LMBRD1: variants seen among roughly 807,000 people sequenced by gnomAD.
LMBRD1 encodes LMBR1 domain containing 1, also known as lysosomal cobalamin transport escort protein LMBD1.
Under a neutral mutation model 74.8 loss-of-function variants are expected in LMBRD1, and 64 were observed. The observed-to-expected ratio is 0.86, with a 90% confidence interval of 0.70 to 1.05. The LOEUF (loss-of-function observed/expected upper bound fraction) is 1.05. Among genes scored for constraint, LMBRD1 ranks in the 50% least tolerant of loss-of-function variants. The pLI, the probability that LMBRD1 is intolerant of heterozygous loss-of-function variation, is 0.00. For missense variants in LMBRD1, 652 were observed against 645.9 expected (o/e 1.01, Z -0.10); for synonymous variants, 204 against 216.3 (o/e 0.94, Z 0.50).
At chr6:69,788,308 A>G (rs1260820516) in intron 2 of LMBRD1, among the ~76,000 whole-genome samples, 1 of 152,114 alleles carries the variant, frequency 6.6e-6, no homozygotes, top group Non-Finnish European at 1.5e-5. Flanking sequence ...ACCTCTATAC[A>G]TCAGAATACA....
chr6:69,718,321 C>T (rs1402496029), intron 8 of LMBRD1, among the ~76,000 whole-genome samples: 2 of 152,084 alleles, frequency 1.3e-5, no homozygotes, highest in Admixed American at 6.5e-5. Context: ...TACCTGAGAA[C>T]TAGTAAGTTC....
intron 13 of LMBRD1, among the ~76,000 whole-genome samples, chr6:69,698,736 G>A (rs941326622): frequency 2.0e-5 from 3 of 151,742 alleles, no homozygotes; most frequent in South Asian, 4.2e-4. Flanking sequence ...ATTAAAATTC[G>A]TTAAAACGTT....
At chr6:69,750,676 A>C (rs1216561948) in intron 4 of LMBRD1, among the ~76,000 whole-genome samples, 1 of 152,162 alleles carries the variant, frequency 6.6e-6, no homozygotes, top group Non-Finnish European at 1.5e-5. Flanking sequence ...AAGAATGTGC[A>C]CTTTGGAAGA....
chr6:69,780,438 C>T (rs1765805721), intron 3 of LMBRD1, 56 bp downstream of exon 3: 3 of 1,258,046 alleles, frequency 2.4e-6, no homozygotes, highest in Middle Eastern at 1.9e-4. Flanking sequence ...TCATCGGAGT[C>T]GTATCAGTAT....
At chr6:69,786,772 A>C (rs1217166526) in intron 2 of LMBRD1, among the ~76,000 whole-genome samples, 5 of 152,198 alleles carry the variant, frequency 3.3e-5, no homozygotes, top group Non-Finnish European at 2.9e-5. Flanking sequence ...TAACTAAAAC[A>C]AAAATAAAGA....
chr6:69,725,923 G>A (rs1159848338), intron 7 of LMBRD1, among the ~76,000 whole-genome samples: 1 of 151,964 alleles, frequency 6.6e-6, no homozygotes, highest in Non-Finnish European at 1.5e-5. Context: ...CACAGTAAAG[G>A]GAACAGTCAA....
chr6:69,682,116 C>T (rs147303985), intron 14 of LMBRD1, among the ~76,000 whole-genome samples: 34 of 151,792 alleles, frequency 2.2e-4, no homozygotes, highest in African/African-American at 7.7e-4. Context: ...TAATGAAATA[C>T]ATCCAAATAA....
intron 1 of LMBRD1, 103 bp downstream of exon 1, chr6:69,796,710 G>T: frequency 1.9e-6 from 2 of 1,070,832 alleles, no homozygotes; most frequent in Admixed American, 2.0e-5. Context: ...AAGCGGGGCG[G>T]GGCGAAGAGG....
intron 9 of LMBRD1, chr6:69,705,684 G>A: frequency 1.1e-6 from 1 of 914,610 alleles, no homozygotes; most frequent in Non-Finnish European, 1.8e-6. Flanking sequence ...ATCTTCATCA[G>A]TAGCAAGTTT....
Position 69,748,649 on chromosome 6 carries a change from A to C in LMBRD1, c.473+692T>G, listed in dbSNP as rs576331945. Among the ~76,000 whole-genome samples the C allele has an allele frequency of 2.6e-5, 4 of 152,134 alleles. No individual in the cohort carries two copies. The East Asian group carries it at 7.7e-4, about 29-fold the overall frequency. ...TAAATTATAAACAGAAACTTTAAAA[A>C]ATTTATTAACTCCTAATATATTTCC... is the stretch of plus-strand genomic sequence containing the variant. On this transcript the variant is annotated intron_variant, in intron 5 of 15. Transcript: ENST00000649934.
At chr6:69,779,923 A>C (rs1765790606) in intron 3 of LMBRD1, among the ~76,000 whole-genome samples, 1 of 152,178 alleles carries the variant, frequency 6.6e-6, no homozygotes, top group Admixed American at 6.5e-5. Flanking sequence ...ATCTCCAGAA[A>C]AGTTTAGGCA....
chr6:69,771,817 A>G (rs944726385), intron 3 of LMBRD1, among the ~76,000 whole-genome samples: 1 of 152,160 alleles, frequency 6.6e-6, no homozygotes, highest in African/African-American at 2.4e-5. Context: ...GGTGGAAAAG[A>G]CAGACTTCTG....
chr6:69,769,648 T>G (rs1035402566), intron 3 of LMBRD1, among the ~76,000 whole-genome samples: 3 of 152,106 alleles, frequency 2.0e-5, no homozygotes, highest in Admixed American at 2.0e-4. Context: ...TTAATTCCTT[T>G]GTTCACTTAT....
chr6:69,772,655 A>G (rs939965659), intron 3 of LMBRD1, among the ~76,000 whole-genome samples: 1 of 152,126 alleles, frequency 6.6e-6, no homozygotes, highest in East Asian at 1.9e-4. Flanking sequence ...AAGGGGGAAA[A>G]GGGGCAGGAG....
At chr6:69,759,895 A>AT (rs894176541) in intron 3 of LMBRD1, among the ~76,000 whole-genome samples, 20 of 152,152 alleles carry the variant, frequency 1.3e-4, no homozygotes, top group African/African-American at 4.3e-4. Context: ...AAGCCAACAA[A>AT]TTTTTTAAAA....
chr6:69,794,889 C>T (rs990307204), intron 1 of LMBRD1, among the ~76,000 whole-genome samples: 37 of 152,274 alleles, frequency 2.4e-4, no homozygotes, highest in African/African-American at 7.9e-4. Context: ...TTTCAAAGTG[C>T]AAGATGGGCT....
chr6:69,701,956 A>T lies in LMBRD1; in HGVS notation c.916-3T>A. ...ATGAAAAATATTCCCCAGACGATCT[A>T]AAAGCAAAAATATATTCATTAAAAT... On this transcript the variant is annotated splice_region_variant and splice_polypyrimidine_tract_variant and intron_variant, in intron 9 of 15. Coordinates refer to ENST00000649934, the MANE Select transcript of LMBRD1 (RefSeq NM_018368.4). The T allele has an allele frequency of 1.3e-6, 2 of 1,562,334 alleles. No homozygotes were observed. Among genetic ancestry groups the T allele is most frequent in the Non-Finnish European group, 1.8e-6 (2 of 1,134,028 alleles).
At chr6:69,694,168 C>T (rs142452922) in intron 14 of LMBRD1, among the ~76,000 whole-genome samples, 352 of 152,196 alleles carry the variant, frequency 2.3e-3, no homozygotes, top group Non-Finnish European at 4.0e-3. Context: ...AAAAAATTCA[C>T]TCAGTCCAGT....
intron 3 of LMBRD1, among the ~76,000 whole-genome samples, chr6:69,760,770 T>C (rs1263593947): frequency 6.6e-6 from 1 of 152,226 alleles, no homozygotes; most frequent in Non-Finnish European, 1.5e-5. Context: ...ATCTTATTGC[T>C]GTATCCTTCT....
Sources: allele counts gnomAD v4.1 joint callset (sites outside exome capture counted in the v4.1 genomes callset), GRCh38; gene constraint gnomAD v4.1.1; transcripts MANE v1.5; gene names NCBI Gene and HGNC (gene_info 2026-07-23, HGNC 2026-07-21).